CPEB3: variants seen among roughly 807,000 people sequenced by gnomAD.
CPEB3 encodes cytoplasmic polyadenylation element binding protein 3, also known as cytoplasmic polyadenylation element-binding protein 3.
Under a neutral mutation model 67.2 loss-of-function variants are expected in CPEB3, and 20 were observed. That is an observed-to-expected ratio of 0.30 (90% CI 0.21 to 0.43). The LOEUF (loss-of-function observed/expected upper bound fraction) is 0.43, where lower values mean the gene tolerates loss of function less well. CPEB3 is among the 20% of genes least tolerant of loss of function. The pLI, the probability that CPEB3 is intolerant of heterozygous loss-of-function variation, is 1.00. For missense variants in CPEB3, 746 were observed against 968.6 expected (o/e 0.77, Z 3.05); for synonymous variants, 376 against 393.1 (o/e 0.96, Z 0.51).
chr10:92,132,260 C>T (rs564104455), intron 6 of CPEB3, among the ~76,000 whole-genome samples: 2 of 152,098 alleles, frequency 1.3e-5, no homozygotes, highest in South Asian at 2.1e-4. Context: ...GAACGCAAAT[C>T]GATGAGGAAA....
intron 9 of CPEB3, among the ~76,000 whole-genome samples, chr10:92,055,291 C>G (rs957301220): frequency 3.3e-5 from 5 of 152,200 alleles, no homozygotes; most frequent in African/African-American, 1.2e-4. Flanking sequence ...CACAGTATTT[C>G]AGATGTGTCA....
At chr10:92,109,356 G>A (rs1163096002) in intron 7 of CPEB3, among the ~76,000 whole-genome samples, 1 of 151,790 alleles carries the variant, frequency 6.6e-6, no homozygotes, top group Non-Finnish European at 1.5e-5. Flanking sequence ...GGGTTCAAGC[G>A]ATTCTACTGC....
rs1011817872 is a variant in CPEB3 at position 92,141,239 on chromosome 10, C to T, written c.1453+1790G>A. On this transcript the variant is annotated intron_variant, in intron 6 of 9. Coordinates refer to ENST00000265997, the MANE Select transcript of CPEB3 (RefSeq NM_014912.5). ...AAGACTTGGAACCAACCCAAATGTCCGACAATGATAGACTGGATTAAGAAA... is the reference window on the plus strand; with the variant it reads ...AAGACTTGGAACCAACCCAAATGTCTGACAATGATAGACTGGATTAAGAAA... Among the ~76,000 whole-genome samples the T allele has an allele frequency of 1.6e-4, 24 of 149,060 alleles. 1 individual carries two copies. Among genetic ancestry groups the T allele is most frequent in the African/African-American group, 2.7e-4 (11 of 40,318 alleles).
intron 4 of CPEB3, among the ~76,000 whole-genome samples, chr10:92,156,281 A>T (rs1184832922): frequency 6.6e-6 from 1 of 152,180 alleles, no homozygotes; most frequent in Non-Finnish European, 1.5e-5. Context: ...GTATGGCCAG[A>T]GAGTGGGAAA....
At chr10:92,250,858 A>AGTTTTTTTTTTTTTTT (rs1454105127) in intron 1 of CPEB3, among the ~76,000 whole-genome samples, 2 of 104,120 alleles carry the variant, frequency 1.9e-5, no homozygotes, top group Non-Finnish European at 1.9e-5. Context: ...CACACAGTTA[A>AGTTTTTTTTTTTTTTT]TTTTTTTTTT....
At chr10:92,062,638 C>T (rs1842398482) in intron 9 of CPEB3, among the ~76,000 whole-genome samples, 1 of 152,158 alleles carries the variant, frequency 6.6e-6, no homozygotes, top group Non-Finnish European at 1.5e-5. Context: ...TATCCCAGTC[C>T]CATCTATACT....
intron 5 of CPEB3, among the ~76,000 whole-genome samples, chr10:92,144,120 T>TA (rs1345938515): frequency 6.6e-6 from 1 of 152,216 alleles, no homozygotes; most frequent in Non-Finnish European, 1.5e-5. Context: ...ATTGACAACT[T>TA]ACCGTGTGCT....
At chr10:92,194,679 A>G (rs1257966640) in intron 2 of CPEB3, among the ~76,000 whole-genome samples, 1 of 152,164 alleles carries the variant, frequency 6.6e-6, no homozygotes. Context: ...TCAAGCCTTC[A>G]GGAAACTATC....
intron 2 of CPEB3, among the ~76,000 whole-genome samples, chr10:92,201,226 T>C (rs1849508348): frequency 6.6e-6 from 1 of 151,860 alleles, no homozygotes; most frequent in Admixed American, 6.6e-5. Context: ...AGAGAAGGCA[T>C]CAAAAAAGTA....
At chr10:92,176,062 G>T (rs1431728797) in intron 4 of CPEB3, among the ~76,000 whole-genome samples, 9 of 151,820 alleles carry the variant, frequency 5.9e-5, no homozygotes, top group African/African-American at 2.2e-4. Flanking sequence ...CTGTACTCCA[G>T]CCTAGGCAAC....
At chr10:92,158,674 G>T (rs994645901) in intron 4 of CPEB3, among the ~76,000 whole-genome samples, 2 of 152,104 alleles carry the variant, frequency 1.3e-5, no homozygotes, top group African/African-American at 4.8e-5. Flanking sequence ...ATTACAGATG[G>T]GGGAATGTAA....
intron 7 of CPEB3, among the ~76,000 whole-genome samples, chr10:92,097,602 A>C (rs925993136): frequency 3.9e-5 from 6 of 152,198 alleles, no homozygotes; most frequent in African/African-American, 1.4e-4. Flanking sequence ...GAGTGGTATA[A>C]ATATAATAAT....
intron 1 of CPEB3, among the ~76,000 whole-genome samples, chr10:92,262,030 C>A (rs147629838): frequency 3.9e-5 from 6 of 152,316 alleles, no homozygotes; most frequent in African/African-American, 7.2e-5. Context: ...CTCTAACCAA[C>A]TGAAGCAATA....
chr10:92,157,725 A>G (rs565997511), intron 4 of CPEB3, among the ~76,000 whole-genome samples: 4 of 152,166 alleles, frequency 2.6e-5, no homozygotes, highest in African/African-American at 9.7e-5. Context: ...AAAGAACACA[A>G]TGAATACAGG....
intron 4 of CPEB3, among the ~76,000 whole-genome samples, chr10:92,145,893 G>A (rs1846656136): frequency 6.6e-6 from 1 of 152,148 alleles, no homozygotes; most frequent in Admixed American, 6.5e-5. Context: ...TGGTGACAGA[G>A]GCTGATAACT....
At chr10:92,066,088 C>A (rs1290188143) in intron 9 of CPEB3, among the ~76,000 whole-genome samples, 4 of 151,520 alleles carry the variant, frequency 2.6e-5, no homozygotes, top group Non-Finnish European at 4.4e-5. Context: ...CAGAGTGAGA[C>A]CTCGTCTCAA....
intron 4 of CPEB3, among the ~76,000 whole-genome samples, chr10:92,157,013 A>T (rs999416666): frequency 2.0e-5 from 3 of 152,258 alleles, no homozygotes; most frequent in African/African-American, 7.2e-5. Flanking sequence ...AGTCAGAGAC[A>T]GCCTGATGAA....
chr10:92,177,123 G>A (rs934668154), intron 4 of CPEB3, among the ~76,000 whole-genome samples: 1 of 152,158 alleles, frequency 6.6e-6, no homozygotes. Context: ...AGAAAAATAC[G>A]GATGGTAGAA....
intron 9 of CPEB3, among the ~76,000 whole-genome samples, chr10:92,080,353 C>T (rs1285062711): frequency 6.6e-6 from 1 of 152,124 alleles, no homozygotes; most frequent in Non-Finnish European, 1.5e-5. Context: ...TAAACTCATG[C>T]CAATCTGCAA....
Sources: gnomAD v4.1 joint callset for allele counts (sites outside exome capture counted in the v4.1 genomes callset) on GRCh38, gnomAD v4.1.1 for gene constraint, MANE v1.5 for transcripts, NCBI Gene and HGNC (gene_info 2026-07-23, HGNC 2026-07-21) for gene names.